Variants in FOXP2 observed in about 807,000 individuals in gnomAD.
FOXP2 encodes the protein forkhead box protein P2.
In FOXP2, 12 loss-of-function variants were observed where a neutral mutation model predicts 115.8. The observed-to-expected ratio is 0.10, with a 90% confidence interval of 0.07 to 0.17. The LOEUF (loss-of-function observed/expected upper bound fraction) is 0.17, where lower values mean the gene tolerates loss of function less well. FOXP2 is among the 10% of genes least tolerant of loss of function. The pLI is 1.00. For synonymous variants in FOXP2, 328 were observed against 297.7 expected (o/e 1.10, Z -1.05); for missense variants, 629 against 843.5 (o/e 0.75, Z 3.15).
intron 7 of FOXP2, among the ~76,000 whole-genome samples, chr7:114,644,144 G>A (rs1365576233): frequency 6.6e-6 from 1 of 152,084 alleles, no homozygotes; most frequent in Admixed American, 6.6e-5. Context: ...CTTATCAAAA[G>A]TCTTCAATAA....
At chr7:114,143,121 C>A (rs1792267009) in intron 1 of FOXP2, among the ~76,000 whole-genome samples, 1 of 149,710 alleles carries the variant, frequency 6.7e-6, no homozygotes, top group Non-Finnish European at 1.5e-5. Context: ...TCATTCCAGC[C>A]TGGGGGACAG....
At chr7:114,429,351 T>C (rs1295876578) in intron 2 of FOXP2, among the ~76,000 whole-genome samples, 1 of 151,436 alleles carries the variant, frequency 6.6e-6, no homozygotes, top group African/African-American at 2.4e-5. Flanking sequence ...TCTGTTAGTA[T>C]GCTCTGCTAT....
intron 2 of FOXP2, among the ~76,000 whole-genome samples, chr7:114,475,290 G>A (rs1796209204): frequency 6.6e-6 from 1 of 151,988 alleles, no homozygotes; most frequent in Admixed American, 6.6e-5. Flanking sequence ...AAATCTTGCA[G>A]TTCAGAGGTT....
chr7:114,291,517 C>G (rs189751575), intron 2 of FOXP2, among the ~76,000 whole-genome samples: 9 of 152,160 alleles, frequency 5.9e-5, no homozygotes, highest in Non-Finnish European at 8.8e-5. Flanking sequence ...AAGCTTAAAA[C>G]AACATACATG....
At chr7:114,176,300 C>CTTTCTTTCTT (rs778137071) in intron 1 of FOXP2, among the ~76,000 whole-genome samples, 21 of 106,942 alleles carry the variant, frequency 2.0e-4, no homozygotes, top group African/African-American at 6.0e-4. Context: ...TTCTTTCTTT[C>CTTTCTTTCTT]TCTCTCTCTC....
chr7:114,590,371 A>G (rs1802382739), intron 3 of FOXP2, among the ~76,000 whole-genome samples: 1 of 152,202 alleles, frequency 6.6e-6, no homozygotes, highest in Non-Finnish European at 1.5e-5. Context: ...TTTAACGTGC[A>G]CTGCAGCAAC....
chr7:114,146,521 T>C (rs745389009), intron 1 of FOXP2, among the ~76,000 whole-genome samples: 10 of 152,000 alleles, frequency 6.6e-5, no homozygotes, highest in African/African-American at 2.4e-4. Flanking sequence ...ATTGATGAAG[T>C]TGGAAAAGAA....
At chr7:114,086,347 G>C (rs750252536), upstream of FOXP2, 39 of 406,980 alleles carry the variant, frequency 9.6e-5, no homozygotes, top group African/African-American at 6.6e-5. Flanking sequence ...GAGACACGCC[G>C]GCGCGTGCAG....
At chr7:114,344,081 TG>T (rs68087277) in intron 2 of FOXP2, among the ~76,000 whole-genome samples, 82,459 of 151,192 alleles carry the variant, frequency 0.55, 23,762 homozygotes, top group East Asian at 0.84. Context: ...AACATTACCT[TG>T]TATATAATTC....
intron 2 of FOXP2, among the ~76,000 whole-genome samples, chr7:114,447,348 A>T (rs900007428): frequency 1.3e-5 from 2 of 151,956 alleles, no homozygotes; most frequent in African/African-American, 4.8e-5. Flanking sequence ...TTTTCTGGGT[A>T]AGCACCCAGA....
chr7:114,255,837 C>T (rs1015083304), intron 1 of FOXP2, among the ~76,000 whole-genome samples: 4 of 152,054 alleles, frequency 2.6e-5, no homozygotes, highest in South Asian at 2.1e-4. Context: ...GAGATGAACC[C>T]AGTACCTCAG....
intron 2 of FOXP2, among the ~76,000 whole-genome samples, chr7:114,357,595 GAA>G (rs1791646675): frequency 1.3e-5 from 2 of 152,120 alleles, no homozygotes. Flanking sequence ...TCTTAGGAGA[GAA>G]AGCTTTCCCA....
At chr7:114,516,594 C>T (rs1026924096) in intron 2 of FOXP2, among the ~76,000 whole-genome samples, 4 of 152,024 alleles carry the variant, frequency 2.6e-5, no homozygotes, top group African/African-American at 9.7e-5. Flanking sequence ...ATACTGTTTT[C>T]CATAATAGCT....
chr7:114,455,040 T>C (rs1310095742), intron 2 of FOXP2, among the ~76,000 whole-genome samples: 2 of 151,156 alleles, frequency 1.3e-5, no homozygotes, highest in Non-Finnish European at 3.0e-5. Flanking sequence ...GAAAAAAAAA[T>C]CTTGATGTTT....
At chr7:114,388,309 A>T (rs1792504252) in intron 2 of FOXP2, among the ~76,000 whole-genome samples, 1 of 151,782 alleles carries the variant, frequency 6.6e-6, no homozygotes, top group African/African-American at 2.4e-5. Flanking sequence ...CAATCCTGTT[A>T]TATTTCTGGT....
At chr7:114,390,787 G>T (rs1792578405) in intron 2 of FOXP2, among the ~76,000 whole-genome samples, 1 of 151,994 alleles carries the variant, frequency 6.6e-6, no homozygotes, top group East Asian at 1.9e-4. Flanking sequence ...TCAACTCCTG[G>T]GCTCAAGTGA....
chr7:114,166,848 T>C (rs1234461325), intron 1 of FOXP2, among the ~76,000 whole-genome samples: 1 of 152,222 alleles, frequency 6.6e-6, no homozygotes, highest in Non-Finnish European at 1.5e-5. Flanking sequence ...TGTCATTAGC[T>C]AATTGCAAAT....
chr7:114,538,206 T>C (rs933911086), intron 3 of FOXP2: 1 of 577,192 alleles, frequency 1.7e-6, no homozygotes, highest in African/African-American at 1.9e-5. Context: ...ACTTCCATAA[T>C]CTGTAAATTT....
intron 1 of FOXP2, among the ~76,000 whole-genome samples, chr7:114,245,568 T>TA (rs1795260266): frequency 6.6e-6 from 1 of 152,252 alleles, no homozygotes; most frequent in African/African-American, 2.4e-5. Context: ...AGTTATGTTA[T>TA]ATCATAGCCT....
Sources: allele counts gnomAD v4.1 joint callset (sites outside exome capture counted in the v4.1 genomes callset), GRCh38; gene constraint gnomAD v4.1.1; transcripts MANE v1.5; gene names NCBI Gene and HGNC (gene_info 2026-07-23, HGNC 2026-07-21).